Variants in FBXW11 observed in about 807,000 individuals in gnomAD.
The protein encoded by FBXW11 is F-box/WD repeat-containing protein 11.
In FBXW11, 19 loss-of-function variants were observed where a neutral mutation model predicts 77.6. The observed-to-expected ratio is 0.24, with a 90% CI of 0.17 to 0.36. The LOEUF is 0.36. Ranked by LOEUF, FBXW11 falls within the 10% of genes least tolerant of loss-of-function variation. The probability of loss-of-function intolerance (pLI) is 1.00; values close to 1 mark genes in which losing one functional copy is unlikely to be tolerated. For missense variants in FBXW11, 334 were observed against 704.2 expected (o/e 0.47, Z 5.95); for synonymous variants, 235 against 249.4 (o/e 0.94, Z 0.54).
chr5:171,866,661 A>G (rs1757414816), intron 13 of FBXW11, among the ~76,000 whole-genome samples: 1 of 152,218 alleles, frequency 6.6e-6, no homozygotes, highest in African/African-American at 2.4e-5. Flanking sequence ...AAAGAAAACC[A>G]TAATATGGAT....
At chr5:171,868,457 A>G (rs1757553593) in intron 13 of FBXW11, among the ~76,000 whole-genome samples, 153 bp downstream of exon 13, 1 of 152,160 alleles carries the variant, frequency 6.6e-6, no homozygotes. Context: ...ATGTGACTAT[A>G]AAGATCCAGC....
chr5:171,993,742 A>G (rs1581091950), intron 1 of FBXW11, among the ~76,000 whole-genome samples: 1 of 152,354 alleles, frequency 6.6e-6, no homozygotes, highest in East Asian at 1.9e-4. Flanking sequence ...CCCTGGGATA[A>G]GGGGATGTCT....
At chr5:171,986,542 C>G (rs1162120971) in intron 1 of FBXW11, among the ~76,000 whole-genome samples, 2 of 152,000 alleles carry the variant, frequency 1.3e-5, no homozygotes, top group Non-Finnish European at 2.9e-5. Context: ...GCCTGGCCAA[C>G]ATGGCAAAGC....
At chr5:171,870,446 G>T (rs1757688683) in intron 11 of FBXW11, among the ~76,000 whole-genome samples, 1 of 152,006 alleles carries the variant, frequency 6.6e-6, no homozygotes, top group Admixed American at 6.6e-5. Context: ...ATAAAGCAAA[G>T]AAGTCAATAC....
intron 2 of FBXW11, among the ~76,000 whole-genome samples, chr5:171,944,811 T>C (rs893997090): frequency 1.3e-5 from 2 of 152,180 alleles, no homozygotes; most frequent in Non-Finnish European, 2.9e-5. Flanking sequence ...CTCACAGGAA[T>C]ACTTACATTC....
intron 9 of FBXW11, among the ~76,000 whole-genome samples, chr5:171,875,521 T>C (rs1758020714): frequency 1.3e-5 from 2 of 152,076 alleles, no homozygotes; most frequent in Admixed American, 6.6e-5. Context: ...AACTAGACAA[T>C]GGTAATGTTA....
chr5:172,006,509 C>G lies in FBXW11; in HGVS notation c.-7G>C. 1 of 1,506,806 alleles carries G rather than the reference C, an allele frequency of 6.6e-7. No individual in the cohort carries two copies. Among genetic ancestry groups the G allele is most frequent in the Non-Finnish European group, 8.9e-7 (1 of 1,126,492 alleles). 93.3% of individuals were successfully genotyped at this position (1,506,806 alleles called of 1,614,324 possible). A position where few individuals can be genotyped will look rare whatever the true frequency, so the allele number is the denominator to read the frequency against. ...TCACCGAGTCGGGCTCCATGGCGGC[C>G]CCGGCGGCCCCGCCTCGCTCTCCCC... On this transcript the variant is annotated 5_prime_UTR_variant, in exon 1 of 14. Coordinates refer to ENST00000517395, the MANE Select transcript of FBXW11 (RefSeq NM_001378974.1).
intron 1 of FBXW11, among the ~76,000 whole-genome samples, chr5:171,978,665 T>C (rs558060780): frequency 2.6e-5 from 4 of 152,264 alleles, no homozygotes; most frequent in Admixed American, 2.6e-4. Flanking sequence ...AGGCAAACAC[T>C]TCCACAGCTG....
chr5:171,938,126 T>C (rs935415549), intron 2 of FBXW11, among the ~76,000 whole-genome samples: 5 of 152,234 alleles, frequency 3.3e-5, no homozygotes, highest in African/African-American at 9.6e-5. Context: ...GGCACGATCA[T>C]AGCTCACTAC....
At chr5:171,930,737 A>T (rs375019092) in intron 2 of FBXW11, among the ~76,000 whole-genome samples, 127 of 109,422 alleles carry the variant, frequency 1.2e-3, no homozygotes, top group African/African-American at 3.8e-3. Flanking sequence ...AATAAATAAA[A>T]AATAAAAAAT....
intron 2 of FBXW11, chr5:171,916,390 C>T: frequency 1.0e-6 from 1 of 965,454 alleles, no homozygotes; most frequent in Non-Finnish European, 1.2e-6. Context: ...CTTATAAACC[C>T]CACAGCATCA....
At chr5:171,950,793 A>G (rs1271138916) in intron 2 of FBXW11, among the ~76,000 whole-genome samples, 1 of 152,208 alleles carries the variant, frequency 6.6e-6, no homozygotes, top group Non-Finnish European at 1.5e-5. Context: ...AGGCTGAGGC[A>G]GGAGGATCAC....
chr5:171,888,937 T>C (rs1759106166), intron 7 of FBXW11, among the ~76,000 whole-genome samples: 1 of 151,878 alleles, frequency 6.6e-6, no homozygotes, highest in African/African-American at 2.4e-5. Flanking sequence ...AGATGAAAAA[T>C]TCAGTCAACT....
intron 13 of FBXW11, among the ~76,000 whole-genome samples, chr5:171,867,319 G>T (rs1188776527): frequency 6.6e-6 from 1 of 152,132 alleles, no homozygotes; most frequent in African/African-American, 2.4e-5. Context: ...GAATGAGCAT[G>T]GCTGTGTAGC....
intron 3 of FBXW11, among the ~76,000 whole-genome samples, chr5:171,912,396 CA>C (rs1212445854): frequency 6.6e-6 from 1 of 151,936 alleles, no homozygotes; most frequent in Non-Finnish European, 1.5e-5. Context: ...TTAACAGATC[CA>C]AAAAATAAGA....
At chr5:171,952,447 A>ATATATATATATATTTTTTT in intron 2 of FBXW11, among the ~76,000 whole-genome samples, 3 of 6,948 alleles carry the variant, frequency 4.3e-4, no homozygotes, top group African/African-American at 3.4e-4. Flanking sequence ...ATATATATAT[A>ATATATATATATATTTTTTT]TTTTTTTTTT....
chr5:171,997,163 A>C, intron 1 of FBXW11: 1 of 890,108 alleles, frequency 1.1e-6, no homozygotes, highest in South Asian at 1.4e-5. Context: ...AGGCACAGGA[A>C]AAAAGTTATA....
At chr5:171,957,852 T>C (rs1763696509) in intron 1 of FBXW11, among the ~76,000 whole-genome samples, 154 bp from the exon 2 acceptor site, 1 of 152,166 alleles carries the variant, frequency 6.6e-6, no homozygotes, top group East Asian at 1.9e-4. Flanking sequence ...CACTGAAACC[T>C]TGGGGGAGGG....
At chr5:172,001,660 G>A (rs1349178356) in intron 1 of FBXW11, among the ~76,000 whole-genome samples, 1 of 152,196 alleles carries the variant, frequency 6.6e-6, no homozygotes, top group Non-Finnish European at 1.5e-5. Flanking sequence ...TTTCATTTGA[G>A]TGTCATATAG....
Sources: gnomAD v4.1 joint callset for allele counts (sites outside exome capture counted in the v4.1 genomes callset) on GRCh38, gnomAD v4.1.1 for gene constraint, MANE v1.5 for transcripts, NCBI Gene and HGNC (gene_info 2026-07-23, HGNC 2026-07-21) for gene names.